Variants in MYO18B observed in about 807,000 individuals in gnomAD.
MYO18B encodes myosin XVIIIB.
A neutral mutation model predicts 273.0 loss-of-function variants in MYO18B; 204 were observed. The observed-to-expected ratio is 0.75, with a 90% CI of 0.67 to 0.84. The LOEUF (loss-of-function observed/expected upper bound fraction) is 0.84. Ranked by LOEUF, MYO18B falls within the 40% of genes least tolerant of loss-of-function variation. The probability of loss-of-function intolerance (pLI) is 0.00; values close to 1 mark genes in which losing one functional copy is unlikely to be tolerated. For synonymous variants in MYO18B, 1,330 were observed against 1,305.7 expected, an observed-to-expected ratio of 1.02 and a Z score of -0.40; for missense variants, 3,212 against 3,287.6, an observed-to-expected ratio of 0.98 and a Z score of 0.56.
intron 13 of MYO18B, 85 bp downstream of exon 13, chr22:25,823,763 A>T: frequency 7.6e-7 from 1 of 1,313,768 alleles, no homozygotes; most frequent in Non-Finnish European, 1.1e-6. Context: ...TAACTTTTTT[A>T]TCAAAGATTT....
intron 21 of MYO18B, 92 bp from the exon 22 acceptor site, chr22:25,868,228 C>T: frequency 9.3e-7 from 1 of 1,074,496 alleles, no homozygotes; most frequent in Non-Finnish European, 1.4e-6. Flanking sequence ...ATCCTCCGTC[C>T]TGGCGCATCA....
Position 25,800,042 on chromosome 22 carries a change from A to G in MYO18B, c.2521+1945A>G, listed in dbSNP as rs1251426632. On this transcript the variant is annotated intron_variant, in intron 12 of 43. Coordinates refer to ENST00000335473, the MANE Select transcript of MYO18B (RefSeq NM_032608.7). The stretch of plus-strand genomic sequence containing the variant: ...AGATGAAATAATGTCTTTTGCAGCA[A>G]CTTGGATGGAGCTGGAGGCCATTAT... 1.1e-4 allele frequency among the ~76,000 whole-genome samples: 16 copies of G among 152,350 alleles called. No homozygotes were observed. In the South Asian group the frequency reaches 2.5e-3, roughly 24 times the overall value.
At chr22:26,051,202 T>C in the MYO18B span, among the ~76,000 whole-genome samples, 2 of 150,452 alleles carry the variant, frequency 1.3e-5, no homozygotes, top group African/African-American at 2.5e-5. Context: ...AGAGAAGATA[T>C]GGATAATTGG....
At chr22:25,899,835 G>A (rs375743605) in intron 29 of MYO18B, 2 of 31,052 alleles carry the variant, frequency 6.4e-5, no homozygotes, top group South Asian at 8.3e-4. Flanking sequence ...AGAAGTCTCA[G>A]TTTAACAGGT....
At position 25,766,014 on chromosome 22, in the gene MYO18B, C is replaced by T. The variant is rs145803677; in HGVS notation, c.199-2101C>T. On this transcript the variant is annotated intron_variant, in intron 3 of 43. Transcript: ENST00000335473. ...ATGATGCTGAGCACCAGCTGAACCT[C>T]GTAATCACCCGGGCAGTCACAACCC... Among the ~76,000 whole-genome samples, 1,009 of 152,266 alleles carry T rather than the reference C, an allele frequency of 6.6e-3. 9 individuals are homozygous for T. The highest frequency in any genetic ancestry group is 0.022 in the African/African-American group (907 of 41,540).
chr22:26,006,414 A>G (rs1343221079), intron 42 of MYO18B: 2 of 257,548 alleles, frequency 7.8e-6, no homozygotes, highest in Non-Finnish European at 1.6e-5. Context: ...CCTGTTGAAA[A>G]GTTTTAGAAT....
chr22:25,896,279 C>G (rs1195192317), intron 28 of MYO18B: 1 of 152,172 alleles, frequency 6.6e-6, no homozygotes, highest in African/African-American at 2.4e-5. Flanking sequence ...TTACCACCTT[C>G]CAGGCCAGCA....
rs1333414028 is a variant in MYO18B, at chr22:25,876,336, A to C, written c.4224+4A>C. 1.2e-6 allele frequency: 2 copies of C among 1,607,040 alleles called. No homozygotes were observed. The highest frequency in any genetic ancestry group is 2.7e-5 in the African/African-American group (2 of 74,888). On this transcript the variant is annotated splice_donor_region_variant and intron_variant, in intron 24 of 43. Transcript: ENST00000335473. ...TGAGCAGCTCCGAGCCAAGGAGGTCAGTCTATGTGGCAGGCAGGGTGCTGG... is the reference window on the plus strand; with the variant it reads ...TGAGCAGCTCCGAGCCAAGGAGGTCCGTCTATGTGGCAGGCAGGGTGCTGG...
chr22:25,862,792 G>A (rs150396120), intron 21 of MYO18B, among the ~76,000 whole-genome samples: 43 of 149,652 alleles, frequency 2.9e-4, no homozygotes, highest in Non-Finnish European at 5.6e-4. Context: ...TGGCTTCTTT[G>A]TGTTTATTCT....
At chr22:25,753,089 TG>T (rs1281378761) in intron 1 of MYO18B, among the ~76,000 whole-genome samples, 4 of 134,962 alleles carry the variant, frequency 3.0e-5, no homozygotes, top group African/African-American at 8.7e-5. Flanking sequence ...CCCCCACCAC[TG>T]GTTAGGATCG....
At chr22:26,031,577 C>T (rs75275247), downstream of MYO18B, among the ~76,000 whole-genome samples, 3,131 of 152,256 alleles carry the variant, frequency 0.021, 70 homozygotes, top group African/African-American at 0.056. Flanking sequence ...TAAATTAAGT[C>T]ACTTTATGAA....
chr22:25,748,102 G>A (rs2085835391), intron 1 of MYO18B, among the ~76,000 whole-genome samples: 1 of 152,194 alleles, frequency 6.6e-6, no homozygotes, highest in Admixed American at 6.5e-5. Context: ...AAGAAACTAG[G>A]AGCCATGTCC....
intron 39 of MYO18B, among the ~76,000 whole-genome samples, chr22:25,983,698 A>G (rs1337794288): frequency 6.6e-6 from 1 of 152,264 alleles, no homozygotes; most frequent in Non-Finnish European, 1.5e-5. Context: ...GTCAAAAGAA[A>G]GGGAGAAGAC....
intron 39 of MYO18B, among the ~76,000 whole-genome samples, chr22:25,966,991 C>G (rs750054114): frequency 3.3e-5 from 5 of 152,164 alleles, no homozygotes; most frequent in Non-Finnish European, 7.3e-5. Context: ...GTCTATTACT[C>G]CCCGACTTGT....
chr22:25,844,572 C>T (rs1167125212), intron 18 of MYO18B, among the ~76,000 whole-genome samples: 1 of 152,220 alleles, frequency 6.6e-6, no homozygotes, highest in African/African-American at 2.4e-5. Context: ...GAATCCTTAT[C>T]ACAACACAAG....
At chr22:26,031,588 G>A (rs1226610289), downstream of MYO18B, among the ~76,000 whole-genome samples, 2 of 152,172 alleles carry the variant, frequency 1.3e-5, no homozygotes, top group Non-Finnish European at 2.9e-5. Flanking sequence ...ACTTTATGAA[G>A]TACTGCGGGT....
intron 10 of MYO18B, among the ~76,000 whole-genome samples, chr22:25,782,665 A>G (rs527771627): frequency 6.6e-6 from 1 of 152,298 alleles, no homozygotes; most frequent in Admixed American, 6.5e-5. Flanking sequence ...ATTTGTGGTT[A>G]CTGTGCTCTA....
intron 10 of MYO18B, among the ~76,000 whole-genome samples, chr22:25,782,130 T>C (rs2087188986): frequency 6.6e-6 from 1 of 151,752 alleles, no homozygotes; most frequent in Non-Finnish European, 1.5e-5. Flanking sequence ...ATAGGTCACA[T>C]GTCATCCACC....
chr22:26,003,984 T>C (rs1032709732), intron 41 of MYO18B, among the ~76,000 whole-genome samples: 5 of 140,866 alleles, frequency 3.5e-5, no homozygotes, highest in Non-Finnish European at 7.7e-5. Context: ...AATTTTATTG[T>C]TATTTATAGA....
Sources: gnomAD v4.1 joint callset for allele counts (sites outside exome capture counted in the v4.1 genomes callset) on GRCh38, gnomAD v4.1.1 for gene constraint, MANE v1.5 for transcripts, NCBI Gene and HGNC (gene_info 2026-07-23, HGNC 2026-07-21) for gene names.